The following TPD52L1 variants were observed in gnomAD, a reference collection of about 807,000 sequenced individuals.
TPD52L1 encodes tumor protein D53.
TPD52L1 carries 18 observed loss-of-function variants against 28.7 expected under a neutral mutation model. The ratio of observed to expected loss-of-function variants is 0.63; its 90% CI spans 0.43 to 0.93. The LOEUF (loss-of-function observed/expected upper bound fraction) is 0.93. Among genes scored for constraint, TPD52L1 ranks in the 40% least tolerant of loss-of-function variants. The pLI is 0.00. For synonymous variants in TPD52L1, 75 were observed against 88.8 expected, an observed-to-expected ratio of 0.84 and a Z score of 0.88; for missense variants, 203 against 254.8, an observed-to-expected ratio of 0.80 and a Z score of 1.39.
At chr6:125,172,208 CTTTCTTTCT>C (rs1562212537) in intron 1 of TPD52L1, among the ~76,000 whole-genome samples, 11 of 115,010 alleles carry the variant, frequency 9.6e-5, no homozygotes, top group Admixed American at 1.9e-4. Flanking sequence ...TTTCTTTCTT[CTTTCTTTCT>C]TTCCTTCCTT....
chr6:125,183,148 A>C (rs1792326869), intron 1 of TPD52L1, among the ~76,000 whole-genome samples: 2 of 152,182 alleles, frequency 1.3e-5, no homozygotes, highest in Admixed American at 6.5e-5. Context: ...TATGCAGGAG[A>C]ACTTTTGAGC....
chr6:125,202,102 G>A (rs1213167449), intron 1 of TPD52L1, among the ~76,000 whole-genome samples: 1 of 152,130 alleles, frequency 6.6e-6, no homozygotes, highest in African/African-American at 2.4e-5. Flanking sequence ...TGTGTTTGTG[G>A]TTGCATCATG....
chr6:125,222,019 T>C (rs1360545968), intron 2 of TPD52L1: 1 of 152,220 alleles, frequency 6.6e-6, no homozygotes, highest in African/African-American at 2.4e-5. Flanking sequence ...CTTTGCGATT[T>C]TTCTTCTTCA....
chr6:125,192,866 T>A (rs982940696), intron 1 of TPD52L1, among the ~76,000 whole-genome samples: 1 of 152,198 alleles, frequency 6.6e-6, no homozygotes, highest in Non-Finnish European at 1.5e-5. Context: ...ATCACAAATG[T>A]CCCACCTGAT....
At chr6:125,172,111 T>C (rs1466180080) in intron 1 of TPD52L1, among the ~76,000 whole-genome samples, 1 of 59,210 alleles carries the variant, frequency 1.7e-5, no homozygotes, top group African/African-American at 7.9e-5. Flanking sequence ...TTTCTTTCTT[T>C]CTTTCTTTCT....
chr6:125,177,665 G>A (rs1290069070), intron 1 of TPD52L1, among the ~76,000 whole-genome samples: 1 of 152,154 alleles, frequency 6.6e-6, no homozygotes, highest in Non-Finnish European at 1.5e-5. Context: ...TGAAGAGACT[G>A]TTTAGAGGCT....
chr6:125,237,811 T>C (rs1485822582), intron 3 of TPD52L1, among the ~76,000 whole-genome samples: 1 of 150,670 alleles, frequency 6.6e-6, no homozygotes, highest in Non-Finnish European at 1.5e-5. Context: ...GCCCTGATTT[T>C]GTTTTGTTTT....
chr6:125,224,593 T>A (rs73771284), intron 2 of TPD52L1, among the ~76,000 whole-genome samples: 11,274 of 152,142 alleles, frequency 0.074, 1,377 homozygotes, highest in African/African-American at 0.26. Flanking sequence ...CACCTCTTAG[T>A]CAGTATCTGC....
At chr6:125,195,577 C>T (rs1172850944) in intron 1 of TPD52L1, among the ~76,000 whole-genome samples, 1 of 150,942 alleles carries the variant, frequency 6.6e-6, no homozygotes, top group Non-Finnish European at 1.5e-5. Flanking sequence ...AAGGCACTTA[C>T]GTGAAATTCT....
intron 1 of TPD52L1, among the ~76,000 whole-genome samples, chr6:125,156,652 C>T (rs1350655277): frequency 1.3e-5 from 2 of 151,880 alleles, no homozygotes; most frequent in African/African-American, 4.8e-5. Context: ...TGCCTGTATC[C>T]CAGCTATTTG....
chr6:125,154,687 A>G (rs958247171), intron 1 of TPD52L1, among the ~76,000 whole-genome samples: 2 of 152,112 alleles, frequency 1.3e-5, no homozygotes, highest in African/African-American at 4.8e-5. Context: ...CACACTTGGA[A>G]CAGGGTTGGG....
At chr6:125,206,845 A>G (rs1794181264) in intron 1 of TPD52L1, among the ~76,000 whole-genome samples, 1 of 152,076 alleles carries the variant, frequency 6.6e-6, no homozygotes, top group Admixed American at 6.5e-5. Context: ...TTTGGCTAAG[A>G]CTTCAGTAGT....
intron 3 of TPD52L1, among the ~76,000 whole-genome samples, chr6:125,247,345 A>C (rs1030661441): frequency 6.6e-6 from 1 of 151,952 alleles, no homozygotes; most frequent in African/African-American, 2.4e-5. Context: ...TGTACCTTTT[A>C]TTTCCCACTT....
intron 1 of TPD52L1, among the ~76,000 whole-genome samples, chr6:125,157,465 G>A (rs901698044): frequency 6.6e-6 from 1 of 152,200 alleles, no homozygotes; most frequent in African/African-American, 2.4e-5. Flanking sequence ...TATGGGTGGA[G>A]CTGTTCACTG....
chr6:125,161,909 G>C (rs1191542340), intron 1 of TPD52L1, among the ~76,000 whole-genome samples: 1 of 152,172 alleles, frequency 6.6e-6, no homozygotes, highest in Non-Finnish European at 1.5e-5. Flanking sequence ...ACCTGGGGTT[G>C]CCACAAACCT....
At chr6:125,261,024 A>AAAAGAAAG (rs1177753693) in intron 6 of TPD52L1, 1 of 30,572 alleles carries the variant, frequency 3.3e-5, no homozygotes, top group Non-Finnish European at 5.5e-5. Context: ...GAAAGAAAAG[A>AAAAGAAAG]AAAGAAAGAA....
chr6:125,256,247 G>T (rs1025008409), intron 5 of TPD52L1, among the ~76,000 whole-genome samples: 2 of 152,130 alleles, frequency 1.3e-5, no homozygotes, highest in African/African-American at 4.8e-5. Context: ...CTACTCAGGA[G>T]GCTGAGGCAG....
At chr6:125,262,577 A>G (rs1160266330) in intron 6 of TPD52L1, 1 of 373,710 alleles carries the variant, frequency 2.7e-6, no homozygotes, top group Non-Finnish European at 4.9e-6. Context: ...AGGGATTAAA[A>G]TCTTAGATAC....
chr6:125,217,164 A>C (rs1395114946), intron 1 of TPD52L1, among the ~76,000 whole-genome samples: 1 of 152,202 alleles, frequency 6.6e-6, no homozygotes, highest in Non-Finnish European at 1.5e-5. Context: ...CTAAGGCAGC[A>C]GTCCCCAACC....
Sources: gnomAD v4.1 joint callset for allele counts (sites outside exome capture counted in the v4.1 genomes callset) on GRCh38, gnomAD v4.1.1 for gene constraint, MANE v1.5 for transcripts, NCBI Gene and HGNC (gene_info 2026-07-23, HGNC 2026-07-21) for gene names.